The following DLC1 variants were observed in gnomAD, a reference collection of about 807,000 sequenced individuals.
DLC1 encodes DLC1 Rho GTPase activating protein.
In DLC1, 54 loss-of-function variants were observed where a neutral mutation model predicts 140.3. The observed-to-expected ratio is 0.38, with a 90% confidence interval of 0.31 to 0.48. The LOEUF (loss-of-function observed/expected upper bound fraction) is 0.48. DLC1 is among the 20% of genes least tolerant of loss of function. The pLI is 0.96. For synonymous variants in DLC1, 986 were observed against 728.1 expected (o/e 1.35, Z -5.70); for missense variants, 2,536 against 1,907.0 (o/e 1.33, Z -6.14).
At chr8:13,327,209 A>C (rs1833398578) in intron 4 of DLC1, among the ~76,000 whole-genome samples, 1 of 137,228 alleles carries the variant, frequency 7.3e-6, no homozygotes, top group South Asian at 2.2e-4. Context: ...TCCTGACCTC[A>C]TGATCCGCCC....
intron 5 of DLC1, among the ~76,000 whole-genome samples, chr8:13,154,180 A>G (rs1442835881): frequency 6.6e-6 from 1 of 152,176 alleles, no homozygotes; most frequent in Non-Finnish European, 1.5e-5. Context: ...GGCTTCCCCT[A>G]GTGGATCCCG....
At chr8:13,098,349 AC>A (rs1257272166) in intron 10 of DLC1, 49 bp downstream of exon 10, 2 of 1,604,130 alleles carry the variant, frequency 1.2e-6, no homozygotes, top group African/African-American at 2.7e-5. Flanking sequence ...CAAGGAACTG[AC>A]CAAAAATATC....
chr8:13,292,714 C>G (rs1403907208), intron 5 of DLC1, among the ~76,000 whole-genome samples: 1 of 152,084 alleles, frequency 6.6e-6, no homozygotes, highest in South Asian at 2.1e-4. Context: ...TGATAGAATT[C>G]AAGTTAAGTC....
chr8:13,335,733 C>A (rs1442915397), intron 4 of DLC1, among the ~76,000 whole-genome samples: 1 of 151,976 alleles, frequency 6.6e-6, no homozygotes, highest in Non-Finnish European at 1.5e-5. Flanking sequence ...AATGCTCAAG[C>A]CAAACCTGGA....
chr8:13,312,725 T>A (rs1832729459), intron 4 of DLC1, among the ~76,000 whole-genome samples: 1 of 152,152 alleles, frequency 6.6e-6, no homozygotes. Flanking sequence ...TCTCCTTAAA[T>A]TTGCAAATTC....
chr8:13,315,431 G>A (rs1209460324), intron 4 of DLC1, among the ~76,000 whole-genome samples: 1 of 152,212 alleles, frequency 6.6e-6, no homozygotes, highest in Non-Finnish European at 1.5e-5. Flanking sequence ...ACAAATGCTT[G>A]GGCAGAAGAG....
chr8:13,407,900 TTA>T (rs1837634759), intron 2 of DLC1, among the ~76,000 whole-genome samples: 1 of 152,222 alleles, frequency 6.6e-6, no homozygotes, highest in African/African-American at 2.4e-5. Flanking sequence ...CATATTAGCA[TTA>T]TATGTTTCAT....
At position 13,597,300 on chromosome 8, in the gene DLC1, A is replaced by G. The variant is rs117276016; in HGVS notation, c.-126+7237T>C. Among the ~76,000 whole-genome samples the G allele has an allele frequency of 2.4e-4, 36 of 152,178 alleles. No individual in the cohort carries two copies. The East Asian group carries it at 6.6e-3, about 28-fold the overall frequency. Reference sequence around the variant, plus strand: ...ATTGGACAATTTTGAAGCTAGAAGAATGACAGAAGACGTGATTAGGCCTTC... The same window carrying G: ...ATTGGACAATTTTGAAGCTAGAAGAGTGACAGAAGACGTGATTAGGCCTTC... On this transcript the variant is annotated intron_variant, in intron 1 of 1. Coordinates refer to the DLC1 transcript ENST00000631382.
intron 4 of DLC1, among the ~76,000 whole-genome samples, chr8:13,345,610 G>A (rs1407104660): frequency 7.5e-6 from 1 of 133,748 alleles, no homozygotes; most frequent in African/African-American, 2.9e-5. Flanking sequence ...TTGGAGTGCA[G>A]TGGTACCATC....
chr8:13,538,676 C>A (rs907275954), intron 1 of DLC1, among the ~76,000 whole-genome samples: 1 of 152,202 alleles, frequency 6.6e-6, no homozygotes, highest in East Asian at 1.9e-4. Flanking sequence ...ATGAATATTC[C>A]GGTTTTACAG....
chr8:13,133,035 C>G, intron 5 of DLC1: 1 of 1,583,550 alleles, frequency 6.3e-7, no homozygotes, highest in Non-Finnish European at 8.6e-7. Flanking sequence ...CAGGCGGAGG[C>G]GGCTCGGCTT....
chr8:13,137,062 A>G (rs1443012512), intron 5 of DLC1, among the ~76,000 whole-genome samples: 1 of 152,198 alleles, frequency 6.6e-6, no homozygotes, highest in African/African-American at 2.4e-5. Flanking sequence ...ATCATCATCC[A>G]AGAGATGATT....
At chr8:13,255,851 A>G (rs867882924) in intron 5 of DLC1, among the ~76,000 whole-genome samples, 17 of 152,224 alleles carry the variant, frequency 1.1e-4, no homozygotes, top group Admixed American at 3.3e-4. Context: ...CTCACTTAAT[A>G]TTTGTTAAAT....
chr8:13,325,473 C>A (rs1191871784), intron 4 of DLC1, among the ~76,000 whole-genome samples: 1 of 151,770 alleles, frequency 6.6e-6, no homozygotes, highest in Non-Finnish European at 1.5e-5. Context: ...CACACACACA[C>A]ACACACAGAA....
chr8:13,238,683 C>T (rs1191414253), intron 5 of DLC1, among the ~76,000 whole-genome samples: 1 of 152,134 alleles, frequency 6.6e-6, no homozygotes, highest in Non-Finnish European at 1.5e-5. Context: ...ATTTCAGCTC[C>T]CAGGTCTCTC....
intron 6 of DLC1, among the ~76,000 whole-genome samples, chr8:13,114,646 G>A (rs1820392774): frequency 6.6e-6 from 1 of 152,220 alleles, no homozygotes; most frequent in South Asian, 2.1e-4. Flanking sequence ...AAAGATATCT[G>A]CAACACGTGA....
intron 4 of DLC1, among the ~76,000 whole-genome samples, chr8:13,392,103 G>T (rs1168063795): frequency 1.3e-5 from 2 of 151,956 alleles, no homozygotes; most frequent in African/African-American, 4.8e-5. Context: ...GTACCTGTTG[G>T]CACACATTAC....
At chr8:13,563,983 C>A (rs1182183960) in intron 1 of DLC1, among the ~76,000 whole-genome samples, 3 of 152,074 alleles carry the variant, frequency 2.0e-5, no homozygotes, top group Admixed American at 6.6e-5. Context: ...TATTACAACA[C>A]TTTATCAATG....
At chr8:13,139,548 C>G (rs148737676) in intron 5 of DLC1, among the ~76,000 whole-genome samples, 1 of 152,304 alleles carries the variant, frequency 6.6e-6, no homozygotes, top group African/African-American at 2.4e-5. Flanking sequence ...CTGTAAGGAG[C>G]TCCATGGAGG....
Sources: gnomAD v4.1 joint callset for allele counts (sites outside exome capture counted in the v4.1 genomes callset) on GRCh38, gnomAD v4.1.1 for gene constraint, MANE v1.5 for transcripts, NCBI Gene and HGNC (gene_info 2026-07-23, HGNC 2026-07-21) for gene names.